The following COL6A3 variants were observed in gnomAD, a reference collection of about 807,000 sequenced individuals.
COL6A3 encodes collagen type VI alpha 3 chain, also known as collagen alpha-3(VI) chain.
In COL6A3, 137 loss-of-function variants were observed where a neutral mutation model predicts 274.1. The ratio of observed to expected loss-of-function variants is 0.50; its 90% CI spans 0.44 to 0.58. The LOEUF (loss-of-function observed/expected upper bound fraction) is 0.58, where lower values mean the gene tolerates loss of function less well. Among genes scored for constraint, COL6A3 ranks in the 20% least tolerant of loss-of-function variants. The probability of loss-of-function intolerance (pLI) is 0.00; values close to 1 mark genes in which losing one functional copy is unlikely to be tolerated. For missense variants in COL6A3, 3,950 were observed against 4,124.9 expected (o/e 0.96, Z 1.16); for synonymous variants, 1,650 against 1,650.6 (o/e 1.00, Z 0.01).
At position 237,391,654 on chromosome 2, in the gene COL6A3, T is replaced by C. The variant is rs945435684; in HGVS notation, c.709+2933A>G. Among the ~76,000 whole-genome samples, 128 of 152,116 alleles carry C rather than the reference T, an allele frequency of 8.4e-4. 1 individual carries two copies. The highest frequency in any genetic ancestry group is 3.0e-3 in the African/African-American group (123 of 41,494). On this transcript the variant is annotated intron_variant, in intron 3 of 43. Coordinates refer to ENST00000295550, the MANE Select transcript of COL6A3 (RefSeq NM_004369.4). Reference sequence around the variant, plus strand: ...TTCAAGCGATTCTCCTGCCTCAGCCTCCCGGGATTACAGACGCCCACCACC... The same window carrying C: ...TTCAAGCGATTCTCCTGCCTCAGCCCCCCGGGATTACAGACGCCCACCACC...
At chr2:237,345,632 C>T (rs1327216736) in intron 32 of COL6A3, among the ~76,000 whole-genome samples, 1 of 152,208 alleles carries the variant, frequency 6.6e-6, no homozygotes, top group Non-Finnish European at 1.5e-5. Flanking sequence ...CAGCTGAATT[C>T]CACCCCGAGG....
rs554068631 is a variant in COL6A3 at position 237,399,963 on chromosome 2, C to T, written c.-30-3116G>A. Among the ~76,000 whole-genome samples the T allele has an allele frequency of 2.8e-3, 421 of 152,338 alleles. 3 individuals are homozygous for T. Among genetic ancestry groups the T allele is most frequent in the African/African-American group, 9.5e-3 (397 of 41,576 alleles). On this transcript the variant is annotated intron_variant, in intron 1 of 43. Transcript: ENST00000295550. ...GCCCAGGGGAAGGACCAGACTCAATCTCATTATCAGCATGAACTTTCATGA... is the reference window on the plus strand; with the variant it reads ...GCCCAGGGGAAGGACCAGACTCAATTTCATTATCAGCATGAACTTTCATGA...
chr2:237,343,687 T>TCTCGGTGGTCGCCGTATCA, intron 36 of COL6A3: 2 of 158,314 alleles, frequency 1.3e-5, no homozygotes, highest in Non-Finnish European at 1.4e-5. Flanking sequence ...GTGGTGTAGA[T>TCTCGGTGGTCGCCGTATCA]TGGGGGTGCT....
intron 1 of COL6A3, among the ~76,000 whole-genome samples, chr2:237,410,442 C>G (rs2078829787): frequency 6.6e-6 from 1 of 151,836 alleles, no homozygotes; most frequent in Admixed American, 6.6e-5. Context: ...GCTGAGATTA[C>G]AGGCACATGC....
chr2:237,366,814 G>A lies in COL6A3; in HGVS notation c.5373C>T (p.Ser1791=), dbSNP rs2077564587. 1 of 1,614,198 alleles carries A rather than the reference G, an allele frequency of 6.2e-7. No homozygotes were observed. The highest frequency in any genetic ancestry group is 1.7e-5 in the Admixed American group (1 of 60,024). The change falls in exon 11 of 44, where the codon TCC becomes TCT. Residue 1791 remains serine (S), a synonymous_variant. Coordinates refer to ENST00000295550, the MANE Select transcript of COL6A3 (RefSeq NM_004369.4). The stretch of plus-strand genomic sequence containing the variant: ...CCACGCGGAACGCTGTGGCGCTGTT[G>A]GACGCTATCTTTCCAACCTCCTCCG... The part of the protein sequence containing the change: ...IDSEEVGKIA[S]NSATAFRVGN...
Position 237,369,015 on chromosome 2 carries a change from T to C in COL6A3, c.4448A>G (p.Asp1483Gly). 1 of 1,614,214 alleles carries C rather than the reference T, an allele frequency of 6.2e-7. No homozygotes were observed. Among genetic ancestry groups the C allele is most frequent in the African/African-American group, 1.3e-5 (1 of 75,048 alleles). ...VRVGVVQFSN[D>G]VFPEFYLKTY... ...TTTCAGATAGAATTCTGGGAAGACA[T>C]CATTGCTGAACTGCACGACCCCAAC... The change falls in exon 10 of 44, where the codon GAT becomes GGT. Residue 1483 changes from aspartate to glycine, a missense_variant. Physicochemically the swap from Asp to Gly is moderately conservative, Grantham distance 94. Coordinates refer to ENST00000295550, the MANE Select transcript of COL6A3 (RefSeq NM_004369.4).
rs1699812570 is a variant in COL6A3 at position 237,324,194 on chromosome 2, C to T, written c.*580G>A. 1.3e-5 allele frequency: 2 copies of T among 152,924 alleles called. No homozygotes were observed. Among genetic ancestry groups the T allele is most frequent in the South Asian group, 4.1e-4 (2 of 4,852 alleles). The allele number at this position is 152,924 out of a possible 1,614,324, so 9.5% of individuals were successfully genotyped here. ...AAATTCTTTAATTAAGGCATTGGTC[C>T]CAACGGTGCACATAGATTAAGGGAT... On this transcript the variant is annotated 3_prime_UTR_variant, in exon 44 of 44. Coordinates refer to ENST00000295550, the MANE Select transcript of COL6A3 (RefSeq NM_004369.4).
intron 1 of COL6A3, among the ~76,000 whole-genome samples, chr2:237,404,582 T>C (rs1410297829): frequency 6.6e-6 from 1 of 152,172 alleles, no homozygotes; most frequent in Non-Finnish European, 1.5e-5. Flanking sequence ...CTCCTCACTG[T>C]TGAGTCTGGG....
Position 237,350,131 on chromosome 2 carries a change from C to G in COL6A3, c.6879+16G>C, listed in dbSNP as rs915585400. The G allele has an allele frequency of 6.2e-7, 1 of 1,613,700 alleles. No individual in the cohort carries two copies. The highest frequency in any genetic ancestry group is 1.7e-5 in the Admixed American group (1 of 60,010). The stretch of plus-strand genomic sequence containing the variant: ...GAGTCAGCGACAGCCTGACCCCAAG[C>G]GCGCTGTGACCTTACCGTCTCCCCA... On this transcript the variant is annotated intron_variant, in intron 28 of 43. Transcript: ENST00000295550.
chr2:237,394,903 G>A lies in COL6A3; in HGVS notation c.393C>T (p.Thr131=), dbSNP rs772927766. Reference sequence around the variant, plus strand: ...CACCGGCCCGGCTTCCAGCAGCCTTGGTGAGGTGGCTTTGCATTATGTATT... The same window carrying A: ...CACCGGCCCGGCTTCCAGCAGCCTTAGTGAGGTGGCTTTGCATTATGTATT... ...GLEYIMQSHL[T]KAAGSRAGDG... is the part of the protein sequence containing the mutation. The change falls in exon 3 of 44, where the codon ACC becomes ACT. Residue 131 remains threonine (T), a synonymous_variant. Coordinates refer to ENST00000295550, the MANE Select transcript of COL6A3 (RefSeq NM_004369.4). The A allele has an allele frequency of 1.2e-6, 2 of 1,612,198 alleles. No individual in the cohort carries two copies. Among genetic ancestry groups the A allele is most frequent in the East Asian group, 2.2e-5 (1 of 44,854 alleles).
chr2:237,402,011 T>G (rs1449001414), intron 1 of COL6A3, among the ~76,000 whole-genome samples: 2 of 152,156 alleles, frequency 1.3e-5, no homozygotes, highest in African/African-American at 2.4e-5. Flanking sequence ...GTCTTATACA[T>G]GCCACATACA....
intron 24 of COL6A3, among the ~76,000 whole-genome samples, chr2:237,354,170 C>A (rs930653581): frequency 2.6e-5 from 4 of 152,050 alleles, no homozygotes. Context: ...CAAGCATGCA[C>A]CACCACGCCT....
chr2:237,353,302 A>G lies in COL6A3; in HGVS notation c.6690+39T>C, dbSNP rs58342729. The G allele has an allele frequency of 2.6e-3, 4,113 of 1,595,028 alleles. 84 individuals are homozygous for G. In the African/African-American group the frequency reaches 0.049, roughly 19 times the overall value. ...CAATCATTTTTTAAATGATTTGTGA[A>G]ATATCAGAGGGCACACAGTCACACA... On this transcript the variant is annotated intron_variant, in intron 25 of 43. Transcript: ENST00000295550.
Position 237,366,725 on chromosome 2 carries a change from T to C in COL6A3, c.5462A>G (p.His1821Arg), listed in dbSNP as rs528244338. The change falls in exon 11 of 44, where the codon CAT becomes CGT. Residue 1821 changes from histidine to arginine, a missense_variant. Physicochemically the swap from His to Arg is conservative, Grantham distance 29 (BLOSUM62 0). Around this residue, in one of 5 missense-constraint regions of COL6A3, gnomAD observed 632 missense variants for 623.4 expected, o/e 1.01. Transcript: ENST00000295550. ...QVLETLHDAM[H>R]ETLCPGVTDA... Reference sequence around the variant, plus strand: ...AGTTACACCAGGGCAAAGGGTTTCATGCATCGCATCATGCAAAGTTTCCAA... The same window carrying C: ...AGTTACACCAGGGCAAAGGGTTTCACGCATCGCATCATGCAAAGTTTCCAA... 2.5e-6 allele frequency: 4 copies of C among 1,614,260 alleles called. No homozygotes were observed. The highest frequency in any genetic ancestry group is 1.6e-4 in the Middle Eastern group (1 of 6,062).
At chr2:237,385,402 C>A (rs976745283) in intron 4 of COL6A3, among the ~76,000 whole-genome samples, 1 of 152,206 alleles carries the variant, frequency 6.6e-6, no homozygotes, top group Admixed American at 6.5e-5. Context: ...AAACAAGGGT[C>A]ATGTGCTGCC....
At chr2:237,347,758 G>C in intron 31 of COL6A3, 49 bp downstream of exon 31, 1 of 1,539,408 alleles carries the variant, frequency 6.5e-7, no homozygotes, top group Non-Finnish European at 8.9e-7. Context: ...ATCACATTGA[G>C]ACATACGTTC....
rs886044470 is a variant in COL6A3, at chr2:237,346,550, G to A, written c.7045C>T (p.Pro2349Ser). 6.2e-7 allele frequency: 1 copy of A among 1,613,948 alleles called. No individual in the cohort carries two copies. The highest frequency in any genetic ancestry group is 8.5e-7 in the Non-Finnish European group (1 of 1,179,882). Residue 2349 changes from proline to serine, a missense_variant, in exon 32 of 44, where the codon CCA (proline) becomes TCA (serine). Physicochemically the swap from Pro to Ser is moderately conservative, Grantham distance 74. Around this residue, in one of 5 missense-constraint regions of COL6A3, gnomAD observed 1,284 missense variants for 1,349.7 expected, o/e 0.95. Transcript: ENST00000295550. ...TCTCCCTTCTGTCCAACTATCCCTG[G>A]AGGTCCCGAATTTCCCTAGAGGGAG... Reference protein sequence around the residue: ...IRGRRGNSGPPGIVGQKGDPG... With the variant: ...IRGRRGNSGPSGIVGQKGDPG...
At position 237,347,883 on chromosome 2, in the gene COL6A3, C is replaced by A. The variant is rs747242856; in HGVS notation, c.6967-14G>T. 1.9e-6 allele frequency: 3 copies of A among 1,605,246 alleles called. No homozygotes were observed. The highest frequency in any genetic ancestry group is 2.2e-5 in the South Asian group (2 of 89,236). ...ACCTGGGTTACCCTGGGAAGAAAGC[C>A]GAGAAGTGGCACAGTAAGCTTTGGA... On this transcript the variant is annotated splice_polypyrimidine_tract_variant and intron_variant, in intron 30 of 43. Transcript: ENST00000295550.
chr2:237,337,807 C>T (rs889760883), intron 39 of COL6A3, among the ~76,000 whole-genome samples: 37 of 152,338 alleles, frequency 2.4e-4, no homozygotes, highest in Middle Eastern at 3.4e-3. Context: ...CGAGATGGAG[C>T]AGGGCATGAA....
Sources: gnomAD v4.1 joint callset for allele counts (sites outside exome capture counted in the v4.1 genomes callset) on GRCh38, gnomAD v4.1.1 for gene constraint, gnomAD v4.1.1 regional missense constraint, MANE v1.5 for transcripts, NCBI Gene and HGNC (gene_info 2026-07-23, HGNC 2026-07-21) for gene names.